Variants in SKAP2 observed in about 807,000 individuals in gnomAD.
SKAP2 encodes src kinase-associated phosphoprotein 2.
Under a neutral mutation model 54.9 loss-of-function variants are expected in SKAP2, and 28 were observed. The ratio of observed to expected loss-of-function variants is 0.51; its 90% CI spans 0.38 to 0.70. The LOEUF is 0.70. Among genes scored for constraint, SKAP2 ranks in the 30% least tolerant of loss-of-function variants. SKAP2 has a pLI of 0.00. For missense variants in SKAP2, 356 were observed against 424.1 expected (o/e 0.84, Z 1.41); for synonymous variants, 137 against 134.3 (o/e 1.02, Z -0.14).
At chr7:26,809,300 C>T (rs971237511) in intron 4 of SKAP2, among the ~76,000 whole-genome samples, 3 of 151,980 alleles carry the variant, frequency 2.0e-5, no homozygotes, top group Non-Finnish European at 2.9e-5. Context: ...TGTAATCCCG[C>T]AACTTGGGAG....
Position 26,670,099 on chromosome 7 carries a change from C to T in SKAP2, c.*1G>A. 1 of 1,392,218 alleles carries T rather than the reference C, an allele frequency of 7.2e-7. No individual in the cohort carries two copies. 86.2% of individuals were successfully genotyped at this position (1,392,218 alleles called of 1,614,324 possible). A position where few individuals can be genotyped will look rare whatever the true frequency, so the allele number is the denominator to read the frequency against. On this transcript the variant is annotated 3_prime_UTR_variant, in exon 12 of 13. Transcript: ENST00000345317. ...GATTAAAATGTACTTACCCAGGACT[C>T]TCAAATATCATACATCTCCATTATG...
At chr7:26,852,030 AGGAG>A (rs1785054955) in intron 3 of SKAP2, among the ~76,000 whole-genome samples, 1 of 152,162 alleles carries the variant, frequency 6.6e-6, no homozygotes, top group Non-Finnish European at 1.5e-5. Context: ...AAAGGTAGAA[AGGAG>A]GAAAAAGGTT....
chr7:26,658,885 C>T, the SKAP2 span, among the ~76,000 whole-genome samples: 4 of 151,628 alleles, frequency 2.6e-5, no homozygotes, highest in African/African-American at 9.7e-5. Context: ...GCTGAAGCCA[C>T]AGGGATGCCC....
intron 4 of SKAP2, among the ~76,000 whole-genome samples, chr7:26,771,770 T>G (rs1327798231): frequency 1.3e-5 from 2 of 152,190 alleles, no homozygotes; most frequent in African/African-American, 4.8e-5. Flanking sequence ...ATCAATATTT[T>G]TATAGAAAAT....
chr7:26,847,201 TAACTC>T (rs997792820), intron 3 of SKAP2, among the ~76,000 whole-genome samples: 17 of 152,118 alleles, frequency 1.1e-4, no homozygotes, highest in African/African-American at 3.6e-4. Context: ...TCCTTTGAAT[TAACTC>T]AGAGAGCAAA....
At chr7:26,713,872 T>G (rs1288034247) in intron 9 of SKAP2, among the ~76,000 whole-genome samples, 2 of 152,180 alleles carry the variant, frequency 1.3e-5, no homozygotes, top group Admixed American at 1.3e-4. Flanking sequence ...GTGCTGGGAT[T>G]ACAGGCATGA....
intron 6 of SKAP2, among the ~76,000 whole-genome samples, chr7:26,734,810 C>T (rs1787890526): frequency 6.6e-6 from 1 of 152,130 alleles, no homozygotes; most frequent in Non-Finnish European, 1.5e-5. Flanking sequence ...GGGTAAAGCC[C>T]TCATGCCTTA....
intron 4 of SKAP2, among the ~76,000 whole-genome samples, chr7:26,834,162 A>G (rs1282592539): frequency 6.6e-6 from 1 of 152,232 alleles, no homozygotes; most frequent in Non-Finnish European, 1.5e-5. Context: ...CAAAGACACA[A>G]TGTACCAGAA....
At chr7:26,851,137 C>CA (rs752421161) in intron 3 of SKAP2, among the ~76,000 whole-genome samples, 23 of 151,316 alleles carry the variant, frequency 1.5e-4, no homozygotes, top group Non-Finnish European at 2.7e-4. Flanking sequence ...TAGGAATTGA[C>CA]AGCCAGGCAG....
chr7:26,689,526 G>C (rs1482749958), intron 10 of SKAP2, among the ~76,000 whole-genome samples: 1 of 152,134 alleles, frequency 6.6e-6, no homozygotes, highest in Non-Finnish European at 1.5e-5. Flanking sequence ...ATTAGTACTT[G>C]GGGATATGTG....
chr7:26,721,888 A>G (rs887481507), intron 9 of SKAP2, among the ~76,000 whole-genome samples: 2 of 152,230 alleles, frequency 1.3e-5, no homozygotes, highest in African/African-American at 4.8e-5. Flanking sequence ...GAGATTCAAA[A>G]TGAGACAAAG....
At chr7:26,748,282 A>G (rs1782602131) in intron 4 of SKAP2, among the ~76,000 whole-genome samples, 1 of 152,184 alleles carries the variant, frequency 6.6e-6, no homozygotes, top group Non-Finnish European at 1.5e-5. Flanking sequence ...TTCCTTATAG[A>G]ATTTTAAAAT....
At chr7:26,720,652 G>A (rs921966977) in intron 9 of SKAP2, among the ~76,000 whole-genome samples, 1 of 152,116 alleles carries the variant, frequency 6.6e-6, no homozygotes, top group Non-Finnish European at 1.5e-5. Flanking sequence ...GGTTAGGGAG[G>A]CCTGAGGAAA....
At chr7:26,845,452 A>G (rs1033225651) in intron 3 of SKAP2, among the ~76,000 whole-genome samples, 5 of 152,236 alleles carry the variant, frequency 3.3e-5, no homozygotes, top group African/African-American at 1.2e-4. Context: ...AGAGATGGCT[A>G]TATTGTCATC....
intron 4 of SKAP2, among the ~76,000 whole-genome samples, chr7:26,817,216 G>A (rs1784283836): frequency 6.6e-6 from 1 of 152,092 alleles, no homozygotes; most frequent in Non-Finnish European, 1.5e-5. Context: ...TCTCAGAGGA[G>A]TACAGCTAGT....
At position 26,809,972 on chromosome 7, in the gene SKAP2, G is replaced by A. The variant is rs574408089; in HGVS notation, c.307+34058C>T. ...TTGTGCCAATATGGATGAACCTGGAGGGCATTAAGTTAAGTAAAAAAGCCA... is the reference window on the plus strand; with the variant it reads ...TTGTGCCAATATGGATGAACCTGGAAGGCATTAAGTTAAGTAAAAAAGCCA... On this transcript the variant is annotated intron_variant, in intron 4 of 12. Coordinates refer to ENST00000345317, the MANE Select transcript of SKAP2 (RefSeq NM_003930.5). Among the ~76,000 whole-genome samples, 4 of 152,288 alleles carry A rather than the reference G, an allele frequency of 2.6e-5. No individual in the cohort carries two copies. The South Asian group carries it at 8.3e-4, about 32-fold the overall frequency.
chr7:26,798,300 GA>G (rs992911505), intron 4 of SKAP2, among the ~76,000 whole-genome samples: 5 of 151,518 alleles, frequency 3.3e-5, no homozygotes, highest in Admixed American at 6.6e-5. Context: ...AGTACCAAAG[GA>G]AAAAAACTAA....
intron 7 of SKAP2, 62 bp downstream of exon 7, chr7:26,726,818 GTC>G: frequency 7.6e-7 from 1 of 1,308,618 alleles, no homozygotes; most frequent in Non-Finnish European, 1.1e-6. Context: ...AAATGTTAAT[GTC>G]TCTATAAATG....
In SKAP2 at chr7:26,700,367, A is replaced by G. The variant is rs184137608; in HGVS notation, c.797-10005T>C. 1.6e-3 allele frequency among the ~76,000 whole-genome samples: 248 copies of G among 152,258 alleles called. 1 individual carries two copies. Among genetic ancestry groups the G allele is most frequent in the African/African-American group, 5.8e-3 (239 of 41,564 alleles). On this transcript the variant is annotated intron_variant, in intron 9 of 12. Coordinates refer to ENST00000345317, the MANE Select transcript of SKAP2 (RefSeq NM_003930.5). Reference sequence around the variant, plus strand: ...ACTCTCTTTGATACTCTATGTTAGCAGTTTCTGGAGTCCTCTTTATAGCCC... The same window carrying G: ...ACTCTCTTTGATACTCTATGTTAGCGGTTTCTGGAGTCCTCTTTATAGCCC...
Sources: gnomAD v4.1 joint callset for allele counts (sites outside exome capture counted in the v4.1 genomes callset) on GRCh38, gnomAD v4.1.1 for gene constraint, MANE v1.5 for transcripts, NCBI Gene and HGNC (gene_info 2026-07-23, HGNC 2026-07-21) for gene names.